Variants in MED12L observed in about 807,000 individuals in gnomAD.
MED12L encodes mediator complex subunit 12L, also known as mediator of RNA polymerase II transcription subunit 12-like protein.
In MED12L, 60 loss-of-function variants were observed where a neutral mutation model predicts 281.3. That is an observed-to-expected ratio of 0.21 (90% CI 0.17 to 0.26). MED12L has a LOEUF of 0.26. Ranked by LOEUF, MED12L falls within the 10% of genes least tolerant of loss-of-function variation. The pLI is 1.00. For synonymous variants in MED12L, 974 were observed against 987.2 expected (o/e 0.99, Z 0.25); for missense variants, 2,146 against 2,680.9 (o/e 0.80, Z 4.41).
At chr3:151,227,457 T>C (rs1559904371) in intron 16 of MED12L, among the ~76,000 whole-genome samples, 2 of 152,360 alleles carry the variant, frequency 1.3e-5, no homozygotes, top group East Asian at 3.9e-4. Context: ...ACTGATAACG[T>C]CCAAACATAG....
chr3:151,095,628 C>T (rs61182389), intron 2 of MED12L, among the ~76,000 whole-genome samples: 2,915 of 152,316 alleles, frequency 0.019, 102 homozygotes, highest in African/African-American at 0.066. Flanking sequence ...TAACATTTAC[C>T]TGCCTACCAC....
chr3:151,210,194 A>G (rs1040520764), intron 16 of MED12L, among the ~76,000 whole-genome samples: 1 of 152,254 alleles, frequency 6.6e-6, no homozygotes. Context: ...ATCATGTTCC[A>G]TCCCAACTTG....
intron 16 of MED12L, among the ~76,000 whole-genome samples, chr3:151,283,119 C>T (rs1009483976): frequency 2.6e-5 from 4 of 152,158 alleles, no homozygotes; most frequent in African/African-American, 9.7e-5. Context: ...AATATCACCC[C>T]CTTCTGGTAG....
intron 39 of MED12L, among the ~76,000 whole-genome samples, chr3:151,398,290 G>C (rs948161643): frequency 4.6e-5 from 7 of 152,156 alleles, no homozygotes; most frequent in Non-Finnish European, 8.8e-5. Flanking sequence ...ATAAATTCCT[G>C]AACTCAGGAT....
intron 16 of MED12L, among the ~76,000 whole-genome samples, chr3:151,308,665 G>A (rs909902439): frequency 6.6e-6 from 1 of 152,140 alleles, no homozygotes; most frequent in African/African-American, 2.4e-5. Flanking sequence ...ATAGCATCCT[G>A]TGGCTTAAGC....
At chr3:151,175,618 A>G (rs537900120) in intron 11 of MED12L, among the ~76,000 whole-genome samples, 15 of 152,276 alleles carry the variant, frequency 9.9e-5, no homozygotes, top group Admixed American at 6.5e-4. Flanking sequence ...GTTGTCAGTT[A>G]TTTTACCTTC....
chr3:151,160,634 C>T (rs1029624326), intron 8 of MED12L, among the ~76,000 whole-genome samples: 1 of 152,160 alleles, frequency 6.6e-6, no homozygotes, highest in Non-Finnish European at 1.5e-5. Flanking sequence ...GCTTAGTGTT[C>T]AGTTTGTATT....
rs548456479 is a variant in MED12L at position 151,416,338 on chromosome 3, C to T, written c.6324C>T (p.Pro2108=). The change falls in exon 43 of 45, where the codon CCC becomes CCT. Residue 2108 remains proline, a synonymous_variant. Coordinates refer to ENST00000687756, the MANE Select transcript of MED12L (RefSeq NM_001393769.1). ...TGCAGCAGCCCCAGCAGCCCCAGCC[C>T]CAGCAGCCTCCCCAGCCCCAGCAGT... ...LQMQQPQQPQ[P]QQPPQPQQSS... 392 of 1,611,318 alleles carry T rather than the reference C, an allele frequency of 2.4e-4. 4 individuals carry two copies. The South Asian group carries it at 4.1e-3, about 17-fold the overall frequency.
chr3:151,342,982 G>A (rs1193649787), intron 16 of MED12L, among the ~76,000 whole-genome samples: 1 of 152,104 alleles, frequency 6.6e-6, no homozygotes, highest in East Asian at 1.9e-4. Flanking sequence ...GTTAGATGGA[G>A]ACCCCATTCT....
At chr3:151,356,202 C>A (rs1040034178) in intron 19 of MED12L, among the ~76,000 whole-genome samples, 163 bp downstream of exon 19, 56 of 152,130 alleles carry the variant, frequency 3.7e-4, no homozygotes, top group East Asian at 3.9e-4. Flanking sequence ...GAGTTTTAGA[C>A]CAGCCTGGGC....
At chr3:151,346,355 G>T (rs1320742774) in intron 16 of MED12L, among the ~76,000 whole-genome samples, 3 of 152,088 alleles carry the variant, frequency 2.0e-5, no homozygotes, top group Non-Finnish European at 4.4e-5. Flanking sequence ...GTCTTTTGAT[G>T]ATCTTCATAA....
chr3:151,308,917 C>T (rs969787926), intron 16 of MED12L, among the ~76,000 whole-genome samples: 1 of 152,126 alleles, frequency 6.6e-6, no homozygotes, highest in Non-Finnish European at 1.5e-5. Context: ...ATTTTTACTT[C>T]AATTTCATCA....
At chr3:151,384,882 C>A in intron 35 of MED12L, 148 bp from the exon 36 acceptor site, 1 of 626,832 alleles carries the variant, frequency 1.6e-6, no homozygotes, top group Non-Finnish European at 2.9e-6. Context: ...TTTGGAACTG[C>A]CTTGTAGAAC....
chr3:151,181,766 A>G (rs1282719176), intron 11 of MED12L, among the ~76,000 whole-genome samples: 1 of 151,654 alleles, frequency 6.6e-6, no homozygotes, highest in South Asian at 2.1e-4. Context: ...TTGTATTTTT[A>G]GTAGAGATGG....
chr3:151,281,591 A>C (rs1742819084), intron 16 of MED12L, among the ~76,000 whole-genome samples: 1 of 152,202 alleles, frequency 6.6e-6, no homozygotes, highest in Non-Finnish European at 1.5e-5. Flanking sequence ...AATCTAAAAT[A>C]GTCAATATTT....
At chr3:151,098,932 G>T (rs1459844447) in intron 2 of MED12L, among the ~76,000 whole-genome samples, 1 of 152,180 alleles carries the variant, frequency 6.6e-6, no homozygotes, top group South Asian at 2.1e-4. Flanking sequence ...TCACAATCAT[G>T]GTGGAAGGTG....
At chr3:151,236,152 CT>C in intron 16 of MED12L, among the ~76,000 whole-genome samples, 1 of 152,154 alleles carries the variant, frequency 6.6e-6, no homozygotes, top group Non-Finnish European at 1.5e-5. Context: ...CAGAATAGAG[CT>C]TGCTCTACAG....
chr3:151,244,859 G>C (rs1735027203), intron 16 of MED12L, among the ~76,000 whole-genome samples: 1 of 152,052 alleles, frequency 6.6e-6, no homozygotes, highest in Admixed American at 6.5e-5. Context: ...CAACAAAATT[G>C]ATAGACCGCT....
Position 151,436,643 on chromosome 3 carries a change from CA to C in MED12L, c.*3845del. ...TGGCTGCCTTTGATTAAACTTCTTC[CA>C]AAAAATAAATTCTGCCCAGATGTTG... is the stretch of plus-strand genomic sequence containing the variant. On this transcript the variant is annotated 3_prime_UTR_variant, in exon 45 of 45. Coordinates refer to ENST00000687756, the MANE Select transcript of MED12L (RefSeq NM_001393769.1). 4 of 1,394,306 alleles carry C rather than the reference CA, an allele frequency of 2.9e-6. No homozygotes were observed. The highest frequency in any genetic ancestry group is 3.9e-6 in the Non-Finnish European group (4 of 1,020,694). The allele number at this position is 1,394,306 out of a possible 1,614,324, so 86.4% of individuals were successfully genotyped here. A position where few individuals can be genotyped will look rare whatever the true frequency, so the allele number is the denominator to read the frequency against.
Sources: allele counts gnomAD v4.1 joint callset (sites outside exome capture counted in the v4.1 genomes callset), GRCh38; gene constraint gnomAD v4.1.1; transcripts MANE v1.5; gene names NCBI Gene and HGNC (gene_info 2026-07-23, HGNC 2026-07-21).